CNTN6: variants seen among roughly 807,000 people sequenced by gnomAD.
The protein encoded by CNTN6 is contactin-6.
CNTN6 carries 137 observed loss-of-function variants against 122.8 expected under a neutral mutation model. The observed-to-expected ratio is 1.12, with a 90% CI of 0.97 to 1.29. The LOEUF is 1.29. CNTN6 is among the 50% of genes most tolerant of loss of function. The pLI is 0.00. For missense variants in CNTN6, 1,634 were observed against 1,223.4 expected, an observed-to-expected ratio of 1.34 and a Z score of -5.01; for synonymous variants, 570 against 426.0, an observed-to-expected ratio of 1.34 and a Z score of -4.16.
intron 3 of CNTN6, among the ~76,000 whole-genome samples, chr3:1,222,666 C>T (rs1219987971): frequency 6.6e-6 from 1 of 151,798 alleles, no homozygotes; most frequent in Non-Finnish European, 1.5e-5. Context: ...AATTTATGTG[C>T]TTATTTCCAG....
intron 7 of CNTN6, among the ~76,000 whole-genome samples, chr3:1,307,079 AAAG>A (rs1218808900): frequency 6.6e-6 from 1 of 152,210 alleles, no homozygotes; most frequent in Non-Finnish European, 1.5e-5. Flanking sequence ...CCTGGGAGAT[AAAG>A]AAGATTACAT....
chr3:1,316,440 A>T (rs1004023589), intron 7 of CNTN6, among the ~76,000 whole-genome samples: 7 of 151,794 alleles, frequency 4.6e-5, no homozygotes, highest in Non-Finnish European at 4.4e-5. Flanking sequence ...CCTTTAAACA[A>T]CCATATCTCA....
intron 3 of CNTN6, among the ~76,000 whole-genome samples, chr3:1,227,394 C>A (rs758911941): frequency 6.6e-6 from 1 of 152,070 alleles, no homozygotes; most frequent in Non-Finnish European, 1.5e-5. Context: ...TTATGCTTGC[C>A]GCTTTCAATA....
intron 11 of CNTN6, among the ~76,000 whole-genome samples, chr3:1,331,727 GA>G (rs1429861798): frequency 2.6e-5 from 4 of 151,734 alleles, no homozygotes; most frequent in African/African-American, 9.7e-5. Flanking sequence ...CCAAGGAGCA[GA>G]ATGATGGCAT....
Position 1,386,330 on chromosome 3 carries a change from C to G in CNTN6, c.2704+533C>G, listed in dbSNP as rs76245169. Among the ~76,000 whole-genome samples the G allele has an allele frequency of 3.9e-5, 6 of 152,174 alleles. No individual in the cohort carries two copies. The East Asian group carries it at 1.2e-3, about 29-fold the overall frequency. On this transcript the variant is annotated intron_variant, in intron 20 of 22. Transcript: ENST00000446702. ...TCCTACAACTGTCAGACACCTAGAT[C>G]TTTCCTTTTAGGATACCTTATTACT... is the stretch of plus-strand genomic sequence containing the variant.
intron 7 of CNTN6, among the ~76,000 whole-genome samples, chr3:1,315,956 G>A (rs560154267): frequency 4.6e-5 from 7 of 152,064 alleles, no homozygotes; most frequent in South Asian, 4.1e-4. Flanking sequence ...TATCAAATGC[G>A]TAGTCATATG....
chr3:1,132,376 C>A (rs1406130878), intron 1 of CNTN6, among the ~76,000 whole-genome samples: 2 of 152,038 alleles, frequency 1.3e-5, no homozygotes, highest in Non-Finnish European at 2.9e-5. Context: ...GACACACCTA[C>A]TCTGGTGTCC....
At chr3:1,326,171 CA>C (rs1701512515) in intron 9 of CNTN6, among the ~76,000 whole-genome samples, 1 of 151,818 alleles carries the variant, frequency 6.6e-6, no homozygotes, top group Non-Finnish European at 1.5e-5. Flanking sequence ...ATAACTTTCA[CA>C]AAATCACTGT....
Position 1,385,713 on chromosome 3 carries a change from A to T in CNTN6, c.2620A>T (p.Ile874Phe). 6.2e-7 allele frequency: 1 copy of T among 1,614,140 alleles called. No homozygotes were observed. Among genetic ancestry groups the T allele is most frequent in the Non-Finnish European group, 8.5e-7 (1 of 1,179,968 alleles). Residue 874 changes from isoleucine (I) to phenylalanine (F), a missense_variant, in exon 20 of 23, where the codon ATC becomes TTC. Physicochemically the swap from Ile to Phe is conservative, Grantham distance 21. Coordinates refer to ENST00000446702, the MANE Select transcript of CNTN6 (RefSeq NM_001289080.2). ...KNITGLKANTIYFASVRAYNT... is the reference protein window; with the variant it reads ...KNITGLKANTFYFASVRAYNT... Reference sequence around the variant, plus strand: ...CATCACGGGGCTGAAAGCTAATACCATCTACTTTGCTTCCGTAAGAGCTTA... The same window carrying T: ...CATCACGGGGCTGAAAGCTAATACCTTCTACTTTGCTTCCGTAAGAGCTTA...
intron 20 of CNTN6, among the ~76,000 whole-genome samples, chr3:1,390,051 C>G (rs1488803652): frequency 9.2e-5 from 14 of 152,026 alleles, no homozygotes; most frequent in Middle Eastern, 3.4e-3. Context: ...AGCTCTGCAC[C>G]AAGTGGACCT....
At chr3:1,346,281 G>C (rs911704077) in intron 11 of CNTN6, among the ~76,000 whole-genome samples, 2 of 152,088 alleles carry the variant, frequency 1.3e-5, no homozygotes, top group Non-Finnish European at 2.9e-5. Context: ...CTATCGTTTG[G>C]ATATGGATTG....
chr3:1,248,522 A>G (rs74818306), intron 4 of CNTN6, among the ~76,000 whole-genome samples: 2 of 152,170 alleles, frequency 1.3e-5, no homozygotes, highest in African/African-American at 4.8e-5. Flanking sequence ...GAAGTGAAGT[A>G]ATGTGCCCAA....
chr3:1,403,523 C>T lies in CNTN6; in HGVS notation c.*105C>T, dbSNP rs949772670. The T allele has an allele frequency of 5.8e-6, 3 of 514,224 alleles. No homozygotes were observed. The highest frequency in any genetic ancestry group is 4.0e-5 in the African/African-American group (2 of 49,386). The allele number at this position is 514,224 out of a possible 1,614,324, so 31.9% of individuals were successfully genotyped here. ...TGCGTTCTTAATACAGACTTGTTTG[C>T]AAAGAAAAAAAAAAGTATATTATTA... On this transcript the variant is annotated 3_prime_UTR_variant, in exon 23 of 23. Transcript: ENST00000446702.
intron 4 of CNTN6, among the ~76,000 whole-genome samples, chr3:1,244,209 C>G (rs890785536): frequency 6.6e-6 from 1 of 152,066 alleles, no homozygotes; most frequent in African/African-American, 2.4e-5. Context: ...CTTGAGCACA[C>G]AGGCTAAGGG....
At chr3:1,214,299 G>GTTTT (rs1285055399) in intron 2 of CNTN6, among the ~76,000 whole-genome samples, 2 of 77,040 alleles carry the variant, frequency 2.6e-5, no homozygotes, top group African/African-American at 5.3e-5. Context: ...TTTGTTGGAT[G>GTTTT]TCTTTTTTTT....
intron 11 of CNTN6, among the ~76,000 whole-genome samples, chr3:1,345,468 C>A (rs1024589610): frequency 2.6e-5 from 4 of 152,010 alleles, no homozygotes; most frequent in African/African-American, 7.2e-5. Flanking sequence ...AAAGGACAAC[C>A]TTTATTTTGA....
rs566429512 is a variant in CNTN6 at position 1,159,258 on chromosome 3, G to C, written c.55+11195G>C. The stretch of plus-strand genomic sequence containing the variant: ...CCATGAACAGTCCCAAGCCCTATAC[G>C]CATTATGTTTCTTCAGTCTGATAAC... On this transcript the variant is annotated intron_variant, in intron 2 of 22. Coordinates refer to ENST00000446702, the MANE Select transcript of CNTN6 (RefSeq NM_001289080.2). Among the ~76,000 whole-genome samples the C allele has an allele frequency of 1.6e-4, 25 of 151,856 alleles. No homozygotes were observed. The South Asian group carries it at 5.0e-3, about 30-fold the overall frequency.
At chr3:1,268,437 C>G (rs1293129105) in intron 4 of CNTN6, among the ~76,000 whole-genome samples, 2 of 152,100 alleles carry the variant, frequency 1.3e-5, no homozygotes, top group African/African-American at 2.4e-5. Flanking sequence ...GAAACCCCGT[C>G]TCTACTAAAA....
In CNTN6 at chr3:1,113,151, G is replaced by A. The variant is rs1445531293; in HGVS notation, c.-83+20031G>A. ...CAGGCAAATGATAAGAGATGAGACTGGAAAGCATGGCTGTGGTAGAAGTAA... is the reference window on the plus strand; with the variant it reads ...CAGGCAAATGATAAGAGATGAGACTAGAAAGCATGGCTGTGGTAGAAGTAA... On this transcript the variant is annotated intron_variant, in intron 1 of 22. Coordinates refer to ENST00000446702, the MANE Select transcript of CNTN6 (RefSeq NM_001289080.2). Among the ~76,000 whole-genome samples, 3 of 152,100 alleles carry A rather than the reference G, an allele frequency of 2.0e-5. No individual in the cohort carries two copies. In the East Asian group the frequency reaches 5.8e-4, roughly 29 times the overall value.
Sources: gnomAD v4.1 joint callset for allele counts (sites outside exome capture counted in the v4.1 genomes callset) on GRCh38, gnomAD v4.1.1 for gene constraint, MANE v1.5 for transcripts, NCBI Gene and HGNC (gene_info 2026-07-23, HGNC 2026-07-21) for gene names.